The following USF3 variants were observed in gnomAD, a reference collection of about 807,000 sequenced individuals.
The protein encoded by USF3 is upstream transcription factor family member 3.
A neutral mutation model predicts 157.5 loss-of-function variants in USF3; 29 were observed. That is an observed-to-expected ratio of 0.18 (90% CI 0.14 to 0.25). The LOEUF is 0.25. USF3 is among the 10% of genes least tolerant of loss of function. The pLI is 1.00. For missense variants in USF3, 2,381 were observed against 2,667.6 expected (o/e 0.89, Z 2.37); for synonymous variants, 893 against 941.4 (o/e 0.95, Z 0.94).
At chr3:113,663,241 T>C (rs1288412602) in intron 6 of USF3, among the ~76,000 whole-genome samples, 2 of 152,090 alleles carry the variant, frequency 1.3e-5, no homozygotes, top group Non-Finnish European at 2.9e-5. Flanking sequence ...CCACGCAACT[T>C]CTATTTTTCA....
chr3:113,693,879 C>T (rs1707744007), intron 1 of USF3, among the ~76,000 whole-genome samples: 1 of 152,190 alleles, frequency 6.6e-6, no homozygotes, highest in South Asian at 2.1e-4. Context: ...ACGTCAACGT[C>T]TGTAGCAAAA....
In USF3 at chr3:113,652,963, GA is replaced by G; in HGVS notation, c.*1980del. On this transcript the variant is annotated 3_prime_UTR_variant, in exon 7 of 7. Coordinates refer to ENST00000316407, the MANE Select transcript of USF3 (RefSeq NM_001009899.4). ...GACAAAGTGACCTTGAATATCTCCT[GA>G]GGAAGAGGAACTTGAAAAAGGAATA... 9.3e-7 allele frequency: 1 copy of G among 1,071,444 alleles called. No individual in the cohort carries two copies. Among genetic ancestry groups the G allele is most frequent in the Non-Finnish European group, 1.3e-6 (1 of 768,306 alleles). The allele number at this position is 1,071,444 out of a possible 1,614,324, so 66.4% of individuals were successfully genotyped here.
At chr3:113,681,709 C>T (rs1427462769) in intron 1 of USF3, among the ~76,000 whole-genome samples, 1 of 149,898 alleles carries the variant, frequency 6.7e-6, no homozygotes, top group Admixed American at 6.7e-5. Flanking sequence ...AATATTATTT[C>T]AATTTAAAAA....
intron 2 of USF3, among the ~76,000 whole-genome samples, chr3:113,675,532 A>G (rs1374742670): frequency 6.6e-6 from 1 of 152,224 alleles, no homozygotes; most frequent in African/African-American, 2.4e-5. Context: ...AAATATATAC[A>G]TATATGGAAA....
Position 113,659,770 on chromosome 3 carries a change from G to C in USF3, c.1912C>G (p.Pro638Ala). The C allele has an allele frequency of 6.2e-7, 1 of 1,614,238 alleles. No individual in the cohort carries two copies. Among genetic ancestry groups the C allele is most frequent in the Non-Finnish European group, 8.5e-7 (1 of 1,180,034 alleles). ...GACGCTGATAAAGATGAAGGTCTTG[G>C]TAATATGTGGACAAGATGCTTTCCT... ...FGGKHLVHILPRPSSLSASNS... is the reference protein window; with the variant it reads ...FGGKHLVHILARPSSLSASNS... The change falls in exon 7 of 7, where the codon CCA (proline) becomes GCA (alanine). Residue 638 changes from proline (P) to alanine (A), a missense_variant. Pro to Ala is a conservative substitution (Grantham distance 27). Around this residue, in one of 6 missense-constraint regions of USF3, gnomAD observed 1,435 missense variants for 1,550.9 expected, o/e 0.93. Transcript: ENST00000316407.
intron 4 of USF3, 127 bp from the exon 5 acceptor site, chr3:113,670,330 G>T: frequency 1.5e-6 from 1 of 654,860 alleles, no homozygotes; most frequent in South Asian, 1.7e-5. Context: ...CAGGCGTGAT[G>T]GTTCACACCT....
chr3:113,659,069 G>C lies in USF3; in HGVS notation c.2613C>G (p.Ser871Arg), dbSNP rs1947426981. 1.2e-6 allele frequency: 2 copies of C among 1,614,036 alleles called. No individual in the cohort carries two copies. The highest frequency in any genetic ancestry group is 2.7e-5 in the African/African-American group (2 of 74,922). ...VSASHSLGVL[S>R]SESLIPESVS... ...CAGACTCAGGTATTAATGATTCAGA[G>C]CTTAGAACACCCAAAGAATGTGAAG... Residue 871 changes from serine to arginine, a missense_variant, in exon 7 of 7, where the codon AGC becomes AGG. Coordinates refer to ENST00000316407, the MANE Select transcript of USF3 (RefSeq NM_001009899.4).
intron 6 of USF3, among the ~76,000 whole-genome samples, chr3:113,662,983 C>T (rs1309698551): frequency 6.6e-6 from 1 of 150,638 alleles, no homozygotes. Context: ...CCAAAGGGTA[C>T]TGAGTGAGTA....
chr3:113,668,663 T>C (rs1430435619), intron 5 of USF3, among the ~76,000 whole-genome samples: 1 of 146,364 alleles, frequency 6.8e-6, no homozygotes, highest in Non-Finnish European at 1.5e-5. Flanking sequence ...CAAAAAAAGA[T>C]GAGACAAAAA....
chr3:113,662,959 G>C (rs1301739923), intron 6 of USF3, among the ~76,000 whole-genome samples: 1 of 151,170 alleles, frequency 6.6e-6, no homozygotes, highest in Non-Finnish European at 1.5e-5. Context: ...GACTGGGAGA[G>C]GCTAAGTAAC....
At chr3:113,694,215 C>A (rs1445710179) in intron 1 of USF3, among the ~76,000 whole-genome samples, 2 of 152,190 alleles carry the variant, frequency 1.3e-5, no homozygotes, top group East Asian at 3.8e-4. Context: ...GATTTAAGAC[C>A]CTGTTTATAA....
In USF3 at chr3:113,656,851, G is replaced by A; in HGVS notation, c.4831C>T (p.Gln1611Ter). Residue 1611 changes from glutamine (Q) to a stop codon, truncating the protein, a stop_gained, in exon 7 of 7, where the codon CAG becomes TAG. Coordinates refer to ENST00000316407, the MANE Select transcript of USF3 (RefSeq NM_001009899.4). LOFTEE classifies it high-confidence loss of function. The part of the protein sequence containing the change: ...MHQQQDVGSR[Q>*]QGSGVSSEHV... ...TCAGATGAAACCCCTGAACCTTGCT[G>A]TCTGCTTCCAACATCCTGCTGTTGG... 6.2e-7 allele frequency: 1 copy of A among 1,614,234 alleles called. No individual in the cohort carries two copies. Among genetic ancestry groups the A allele is most frequent in the Non-Finnish European group, 8.5e-7 (1 of 1,180,030 alleles).
rs779551645 is a variant in USF3, at chr3:113,661,113, C to T, written c.569G>A (p.Cys190Tyr). Reference protein sequence around the residue: ...TANVVPVQRTCNLVTPVSISG... With the variant: ...TANVVPVQRTYNLVTPVSISG... Reference sequence around the variant, plus strand: ...AATAGATACAGGAGTCACAAGATTGCAAGTCCTCTGTACTGGCACCACATT... The same window carrying T: ...AATAGATACAGGAGTCACAAGATTGTAAGTCCTCTGTACTGGCACCACATT... The change falls in exon 7 of 7, where the codon TGC becomes TAC. Residue 190 changes from cysteine to tyrosine, a missense_variant. Coordinates refer to ENST00000316407, the MANE Select transcript of USF3 (RefSeq NM_001009899.4). 3 of 1,614,168 alleles carry T rather than the reference C, an allele frequency of 1.9e-6. No homozygotes were observed. Among genetic ancestry groups the T allele is most frequent in the Admixed American group, 3.3e-5 (2 of 60,022 alleles).
At position 113,659,948 on chromosome 3, in the gene USF3, T is replaced by A. The variant is rs757592471; in HGVS notation, c.1734A>T (p.Gln578His). Residue 578 changes from glutamine (Q) to histidine (H), a missense_variant, in exon 7 of 7, where the codon CAA (glutamine) becomes CAT (histidine). Physicochemically the swap from Gln to His is conservative, Grantham distance 24 (BLOSUM62 0). Around this residue, in one of 6 missense-constraint regions of USF3, gnomAD observed 1,435 missense variants for 1,550.9 expected, o/e 0.93. Transcript: ENST00000316407. ...RAEVSNQTVGQQIVIIQAANQ... is the reference protein window; with the variant it reads ...RAEVSNQTVGHQIVIIQAANQ... ...TAGCAGCCTGTATGATTACTATCTGTTGACCTACTGTTTGGTTGGAAACTT... is the reference window on the plus strand; with the variant it reads ...TAGCAGCCTGTATGATTACTATCTGATGACCTACTGTTTGGTTGGAAACTT... 2 of 1,614,204 alleles carry A rather than the reference T, an allele frequency of 1.2e-6. No homozygotes were observed. The highest frequency in any genetic ancestry group is 1.7e-6 in the Non-Finnish European group (2 of 1,180,016).
intron 5 of USF3, 111 bp downstream of exon 5, chr3:113,670,010 G>T: frequency 1.5e-6 from 1 of 689,500 alleles, no homozygotes; most frequent in Non-Finnish European, 2.6e-6. Context: ...AACTTCAAAA[G>T]AACCATACAT....
At chr3:113,665,974 C>A (rs540718714) in intron 5 of USF3, among the ~76,000 whole-genome samples, 7 of 152,212 alleles carry the variant, frequency 4.6e-5, no homozygotes, top group African/African-American at 1.7e-4. Context: ...CACCTGAGGT[C>A]AGGAGTTCGA....
chr3:113,683,035 A>G (rs977302778), intron 1 of USF3, among the ~76,000 whole-genome samples: 4 of 149,726 alleles, frequency 2.7e-5, no homozygotes, highest in African/African-American at 7.4e-5. Context: ...TGGTTGTTTT[A>G]TGGTCTTCTC....
Position 113,660,166 on chromosome 3 carries a change from T to C in USF3, c.1516A>G (p.Met506Val), listed in dbSNP as rs2107925476. The stretch of plus-strand genomic sequence containing the variant: ...TGTGGCTGGGCAATTAGTGGCTGCA[T>C]AGGTAAAGATGGACAAGAAGGCAAT... The part of the protein sequence containing the change: ...VTLPSCPSLP[M>V]QPLIAQPQVK... Residue 506 changes from methionine to valine, a missense_variant, in exon 7 of 7, where the codon ATG becomes GTG. Physicochemically the swap from Met to Val is conservative, Grantham distance 21 (BLOSUM62 1). Coordinates refer to ENST00000316407, the MANE Select transcript of USF3 (RefSeq NM_001009899.4). 5 of 1,614,136 alleles carry C rather than the reference T, an allele frequency of 3.1e-6. No homozygotes were observed. The South Asian group carries it at 3.3e-5, about 11-fold the overall frequency.
intron 1 of USF3, among the ~76,000 whole-genome samples, chr3:113,683,807 C>CT (rs1707490411): frequency 6.6e-6 from 1 of 152,140 alleles, no homozygotes; most frequent in African/African-American, 2.4e-5. Flanking sequence ...CTACTTATAT[C>CT]TTATTACACT....
Sources: gnomAD v4.1 joint callset for allele counts (sites outside exome capture counted in the v4.1 genomes callset) on GRCh38, gnomAD v4.1.1 for gene constraint, gnomAD v4.1.1 regional missense constraint, MANE v1.5 for transcripts, NCBI Gene and HGNC (gene_info 2026-07-23, HGNC 2026-07-21) for gene names.